The following GLG1 variants were observed in gnomAD, a reference collection of about 807,000 sequenced individuals.
GLG1 encodes Golgi apparatus protein 1.
Under a neutral mutation model 160.5 loss-of-function variants are expected in GLG1, and 38 were observed. The ratio of observed to expected loss-of-function variants is 0.24; its 90% confidence interval spans 0.18 to 0.31. GLG1 has a LOEUF of 0.31. Among genes scored for constraint, GLG1 ranks in the 10% least tolerant of loss-of-function variants. The pLI is 1.00. For synonymous variants in GLG1, 644 were observed against 543.4 expected, an observed-to-expected ratio of 1.19 and a Z score of -2.57; for missense variants, 1,373 against 1,505.2, an observed-to-expected ratio of 0.91 and a Z score of 1.45.
chr16:74,566,546 C>CT (rs2018658682), intron 1 of GLG1, among the ~76,000 whole-genome samples: 1 of 152,172 alleles, frequency 6.6e-6, no homozygotes. Flanking sequence ...TAGTCAATCT[C>CT]TTTTCCTTCT....
At chr16:74,462,249 A>G (rs777890923) in intron 21 of GLG1, 54 bp from the exon 22 acceptor site, 420 of 945,546 alleles carry the variant, frequency 4.4e-4, no homozygotes, top group Non-Finnish European at 6.1e-4. Context: ...AAGCTTTTCT[A>G]CAAAAGCAGG....
chr16:74,561,897 G>A (rs2018524042), intron 1 of GLG1, among the ~76,000 whole-genome samples: 1 of 152,184 alleles, frequency 6.6e-6, no homozygotes, highest in Non-Finnish European at 1.5e-5. Context: ...CATTGGTGTG[G>A]TGACTGCTCT....
At position 74,581,534 on chromosome 16, in the gene GLG1, T is replaced by TAAAA. The variant is rs33982914; in HGVS notation, c.438+25119_438+25122dup. 7.5e-4 allele frequency among the ~76,000 whole-genome samples: 99 copies of TAAAA among 132,026 alleles called. 2 individuals carry two copies. The East Asian group carries it at 0.02, about 27-fold the overall frequency. The allele number at this position is 132,026 out of a possible 152,430, so 86.6% of individuals were successfully genotyped here. A position where few individuals can be genotyped will look rare whatever the true frequency, so the allele number is the denominator to read the frequency against. On this transcript the variant is annotated intron_variant, in intron 1 of 25. Coordinates refer to ENST00000422840, the MANE Select transcript of GLG1 (RefSeq NM_001145667.2). Reference sequence around the variant, plus strand: ...GATTATGGAGATTCAATGTAAGATTTAAAAAAAAAAAAAAAAAAGGCCAGG... The same window carrying TAAAA: ...GATTATGGAGATTCAATGTAAGATTTAAAAAAAAAAAAAAAAAAAAAAGGCCAGG...
intron 24 of GLG1, among the ~76,000 whole-genome samples, 166 bp from the exon 25 acceptor site, chr16:74,456,921 G>A (rs1477987068): frequency 6.6e-6 from 1 of 152,186 alleles, no homozygotes; most frequent in Non-Finnish European, 1.5e-5. Context: ...ACAATGGAGA[G>A]AAATGATATG....
In GLG1 at chr16:74,448,755, GA is replaced by G. The variant is rs33935003; in HGVS notation, c.*4411del. 7.4e-6 allele frequency: 1 copy of G among 134,636 alleles called. No homozygotes were observed. The highest frequency in any genetic ancestry group is 2.8e-5 in the African/African-American group (1 of 35,252). 8.3% of individuals were successfully genotyped at this position (134,636 alleles called of 1,614,324 possible). A position where few individuals can be genotyped will look rare whatever the true frequency, so the allele number is the denominator to read the frequency against. On this transcript the variant is annotated 3_prime_UTR_variant, in exon 26 of 26. Coordinates refer to ENST00000422840, the MANE Select transcript of GLG1 (RefSeq NM_001145667.2). ...CAACGAGTGAAACTGTGTCTCAAAA[GA>G]AAAAAAAAAAAAAGGCCAGGCCGGG...
chr16:74,573,993 C>G (rs2018914977), intron 1 of GLG1, among the ~76,000 whole-genome samples: 1 of 152,160 alleles, frequency 6.6e-6, no homozygotes, highest in Non-Finnish European at 1.5e-5. Context: ...TCCATGTTGC[C>G]CAGGCTGTCT....
intron 2 of GLG1, among the ~76,000 whole-genome samples, chr16:74,521,493 T>A (rs1056084367): frequency 6.6e-6 from 1 of 152,114 alleles, no homozygotes; most frequent in Non-Finnish European, 1.5e-5. Flanking sequence ...AGAAGATTAC[T>A]AATGGATTGA....
At chr16:74,554,097 T>C (rs561365843) in intron 1 of GLG1, among the ~76,000 whole-genome samples, 6 of 152,278 alleles carry the variant, frequency 3.9e-5, no homozygotes, top group East Asian at 3.9e-4. Context: ...ACACAAAATA[T>C]AGTCATCTAT....
chr16:74,504,055 C>CT (rs1286412874), intron 3 of GLG1, among the ~76,000 whole-genome samples: 2 of 152,138 alleles, frequency 1.3e-5, no homozygotes, highest in African/African-American at 4.8e-5. Flanking sequence ...GTGAAAAGAG[C>CT]TGTTAACATC....
At chr16:74,554,225 C>G (rs2018287315) in intron 1 of GLG1, among the ~76,000 whole-genome samples, 1 of 152,178 alleles carries the variant, frequency 6.6e-6, no homozygotes, top group African/African-American at 2.4e-5. Flanking sequence ...TGATTTAAGA[C>G]AGGATTTCCT....
rs1303432783 is a variant in GLG1, at chr16:74,452,273, G to T, written c.*894C>A. Reference sequence around the variant, plus strand: ...AGCTTCCAGAGTGACTGTAGCCTCAGCAGGGCCGGTCCAGACATGGCTGAG... The same window carrying T: ...AGCTTCCAGAGTGACTGTAGCCTCATCAGGGCCGGTCCAGACATGGCTGAG... On this transcript the variant is annotated 3_prime_UTR_variant, in exon 26 of 26. Coordinates refer to ENST00000422840, the MANE Select transcript of GLG1 (RefSeq NM_001145667.2). 1.4e-5 allele frequency: 21 copies of T among 1,474,490 alleles called. No homozygotes were observed. Among genetic ancestry groups the T allele is most frequent in the Non-Finnish European group, 1.9e-5 (21 of 1,112,916 alleles). The allele number at this position is 1,474,490 out of a possible 1,614,324, so 91.3% of individuals were successfully genotyped here.
chr16:74,529,658 T>C lies in GLG1; in HGVS notation c.471+2463A>G, dbSNP rs151209337. Among the ~76,000 whole-genome samples the C allele has an allele frequency of 3.7e-4, 56 of 152,214 alleles. No homozygotes were observed. The East Asian group carries it at 8.5e-3, about 23-fold the overall frequency. On this transcript the variant is annotated intron_variant, in intron 2 of 25. Coordinates refer to ENST00000422840, the MANE Select transcript of GLG1 (RefSeq NM_001145667.2). ...GCATGCGGGACATTATGAATGGCTA[T>C]ATTATAGAATTTCTGGGTTATATAA...
At position 74,494,755 on chromosome 16, in the gene GLG1, C is replaced by T. The variant is rs763242901; in HGVS notation, c.1050+5G>A. ...AACATTCATTAGTTTCAAAATAATA[C>T]TTACCTTTTCACTCATGGATTCTTC... On this transcript the variant is annotated splice_donor_5th_base_variant and intron_variant, in intron 6 of 25. Coordinates refer to ENST00000422840, the MANE Select transcript of GLG1 (RefSeq NM_001145667.2). 4 of 1,261,312 alleles carry T rather than the reference C, an allele frequency of 3.2e-6. No homozygotes were observed. The highest frequency in any genetic ancestry group is 4.6e-5 in the East Asian group (2 of 43,148). 78.1% of individuals were successfully genotyped at this position (1,261,312 alleles called of 1,614,324 possible).
chr16:74,500,684 T>C (rs2016374382), intron 4 of GLG1, among the ~76,000 whole-genome samples: 1 of 152,094 alleles, frequency 6.6e-6, no homozygotes, highest in Non-Finnish European at 1.5e-5. Flanking sequence ...TAATAAATAA[T>C]AAATGATACA....
chr16:74,594,732 G>T (rs7193508), intron 1 of GLG1, among the ~76,000 whole-genome samples: 107,912 of 151,994 alleles, frequency 0.71, 38,944 homozygotes, highest in African/African-American at 0.83. Context: ...AACAAGATTA[G>T]GAGGCTTTTG....
chr16:74,572,651 A>G (rs535404808), intron 1 of GLG1, among the ~76,000 whole-genome samples: 3 of 152,196 alleles, frequency 2.0e-5, no homozygotes, highest in Non-Finnish European at 4.4e-5. Flanking sequence ...CCCTTCTCCC[A>G]TACCTCGCCC....
At chr16:74,509,347 T>G (rs184133593) in intron 2 of GLG1, among the ~76,000 whole-genome samples, 40 of 151,844 alleles carry the variant, frequency 2.6e-4, no homozygotes, top group Admixed American at 2.3e-3. Context: ...AATGAAAAAT[T>G]AAGATCCTTG....
At chr16:74,575,375 T>C (rs1335250503) in intron 1 of GLG1, among the ~76,000 whole-genome samples, 1 of 152,198 alleles carries the variant, frequency 6.6e-6, no homozygotes, top group Non-Finnish European at 1.5e-5. Flanking sequence ...ACCAATCATA[T>C]GATGTCATAA....
At chr16:74,572,512 C>CAAA (rs1212497736) in intron 1 of GLG1, among the ~76,000 whole-genome samples, 6 of 56,254 alleles carry the variant, frequency 1.1e-4, no homozygotes, top group African/African-American at 2.3e-4. Context: ...GACTCTGTCT[C>CAAA]AAAAAAAAAA....
Sources: gnomAD v4.1 joint callset for allele counts (sites outside exome capture counted in the v4.1 genomes callset) on GRCh38, gnomAD v4.1.1 for gene constraint, MANE v1.5 for transcripts, NCBI Gene and HGNC (gene_info 2026-07-23, HGNC 2026-07-21) for gene names.